MCM3AP: variants seen among roughly 807,000 people sequenced by gnomAD.
The protein encoded by MCM3AP is minichromosome maintenance complex component 3 associated protein.
A neutral mutation model predicts 184.1 loss-of-function variants in MCM3AP; 126 were observed. The observed-to-expected ratio is 0.68, with a 90% confidence interval of 0.59 to 0.79. MCM3AP has a LOEUF of 0.79. Ranked by LOEUF, MCM3AP falls within the 30% of genes least tolerant of loss-of-function variation. The pLI is 0.00. For missense variants in MCM3AP, 2,496 were observed against 2,479.2 expected (o/e 1.01, Z -0.14); for synonymous variants, 1,002 against 979.3 (o/e 1.02, Z -0.43).
intron 16 of MCM3AP, 94 bp downstream of exon 16, chr21:46,258,845 C>A: frequency 7.3e-7 from 1 of 1,377,476 alleles, no homozygotes; most frequent in East Asian, 2.3e-5. Flanking sequence ...CCTTTTACCA[C>A]TGAATACAGA....
rs745337329 is a variant in MCM3AP at position 46,243,527 on chromosome 21, A to G, written c.5234T>C (p.Ile1745Thr). 8.1e-6 allele frequency: 13 copies of G among 1,614,108 alleles called. No individual in the cohort carries two copies. Among genetic ancestry groups the G allele is most frequent in the Admixed American group, 6.7e-5 (4 of 60,012 alleles). Reference sequence around the variant, plus strand: ...CAGCTTGTGGTTGATACACAAGGCGATAAGATCATCCCATGGGATCTCCAT... The same window carrying G: ...CAGCTTGTGGTTGATACACAAGGCGGTAAGATCATCCCATGGGATCTCCAT... ...SVMEIPWDDL[I>T]ALCINHKLRD... is the part of the protein sequence containing the mutation. The change falls in exon 24 of 28, where the codon ATC becomes ACC. Residue 1745 changes from isoleucine to threonine, a missense_variant. Physicochemically the swap from Ile to Thr is moderately conservative, Grantham distance 89. Around this residue, in one of 5 missense-constraint regions of MCM3AP, gnomAD observed 1,323 missense variants for 1,273.4 expected, o/e 1.04. Coordinates refer to ENST00000291688, the MANE Select transcript of MCM3AP (RefSeq NM_003906.5).
Position 46,259,030 on chromosome 21 carries a change from G to T in MCM3AP, c.3643C>A (p.His1215Asn). 1 of 1,614,066 alleles carries T rather than the reference G, an allele frequency of 6.2e-7. No individual in the cohort carries two copies. Among genetic ancestry groups the T allele is most frequent in the Admixed American group, 1.7e-5 (1 of 60,008 alleles). ...VARCCEDVCA[H>N]LVDLFLVEEI... is the part of the protein sequence containing the mutation. ...TCCACGAGAAACAAGTCCACTAAGT[G>T]GGCACAGACATCCTCACAGCAACGG... Residue 1215 changes from histidine (H) to asparagine (N), a missense_variant, in exon 16 of 28, where the codon CAC becomes AAC. Coordinates refer to ENST00000291688, the MANE Select transcript of MCM3AP (RefSeq NM_003906.5).
chr21:46,243,123 A>G (rs1011366603), intron 24 of MCM3AP, 192 bp from the exon 25 acceptor site: 2 of 610,342 alleles, frequency 3.3e-6, no homozygotes, highest in Non-Finnish European at 2.8e-6. Context: ...TGACTTCCAC[A>G]CTTGGGTTAA....
chr21:46,266,387 T>C (rs889064425), intron 10 of MCM3AP: 7 of 431,508 alleles, frequency 1.6e-5, no homozygotes, highest in African/African-American at 1.2e-4. Flanking sequence ...GCTGACTCAC[T>C]CCTGCCTCCT....
intron 9 of MCM3AP, among the ~76,000 whole-genome samples, chr21:46,268,540 C>T (rs551811795): frequency 1.3e-5 from 2 of 152,308 alleles, no homozygotes; most frequent in East Asian, 3.9e-4. Context: ...GGGGGCCCTG[C>T]TGAGGGCGGC....
chr21:46,284,869 C>A lies in MCM3AP; in HGVS notation c.418G>T (p.Gly140Trp). 4.3e-6 allele frequency: 7 copies of A among 1,614,144 alleles called. No homozygotes were observed. Among genetic ancestry groups the A allele is most frequent in the Non-Finnish European group, 5.9e-6 (7 of 1,180,040 alleles). ...GGTTTAAAGCTGAATTCTGTTTTCC[C>A]AAAACCAGAGTTCACTATTTCTCCA... Reference protein sequence around the residue: ...EAGEIVNSGFGKTEFSFKPLE... With the variant: ...EAGEIVNSGFWKTEFSFKPLE... The change falls in exon 1 of 28, where the codon GGG becomes TGG. Residue 140 changes from glycine to tryptophan, a missense_variant. By Grantham distance (184) the Gly-to-Trp change is radical (BLOSUM62 -2). Transcript: ENST00000291688.
chr21:46,235,861 G>A (rs1184805684), intron 27 of MCM3AP, among the ~76,000 whole-genome samples: 1 of 152,058 alleles, frequency 6.6e-6, no homozygotes, highest in Non-Finnish European at 1.5e-5. Flanking sequence ...TCAAGCTCCT[G>A]GACTTAAGCG....
At position 46,235,202 on chromosome 21, in the gene MCM3AP, A is replaced by G. The variant is rs2080496512; in HGVS notation, c.*66T>C. 1 of 1,510,626 alleles carries G rather than the reference A, an allele frequency of 6.6e-7. No individual in the cohort carries two copies. Among genetic ancestry groups the G allele is most frequent in the African/African-American group, 1.4e-5 (1 of 72,288 alleles). The allele number at this position is 1,510,626 out of a possible 1,614,324, so 93.6% of individuals were successfully genotyped here. A position where few individuals can be genotyped will look rare whatever the true frequency, so the allele number is the denominator to read the frequency against. ...CCAACAGTGCATCAAGCATCTGAGAATAACATTATTTTGAGTAAAAACAGA... is the reference window on the plus strand; with the variant it reads ...CCAACAGTGCATCAAGCATCTGAGAGTAACATTATTTTGAGTAAAAACAGA... On this transcript the variant is annotated 3_prime_UTR_variant, in exon 28 of 28. Coordinates refer to ENST00000291688, the MANE Select transcript of MCM3AP (RefSeq NM_003906.5).
In MCM3AP at chr21:46,285,222, A is replaced by G. The variant is rs767376604; in HGVS notation, c.65T>C (p.Val22Ala). The change falls in exon 1 of 28, where the codon GTA becomes GCA. Residue 22 changes from valine to alanine, a missense_variant. Around this residue, in one of 5 missense-constraint regions of MCM3AP, gnomAD observed 800 missense variants for 717.1 expected, o/e 1.12. Coordinates refer to ENST00000291688, the MANE Select transcript of MCM3AP (RefSeq NM_003906.5). ...TGGCGGCTTAGATGGAAGTGTTCCT[A>G]CATTACTAGAAGACGCCGAAAAAGC... is the stretch of plus-strand genomic sequence containing the variant. ...PSAFSASSSN[V>A]GTLPSKPPFR... The G allele has an allele frequency of 2.5e-6, 4 of 1,614,132 alleles. No individual in the cohort carries two copies. In the African/African-American group the frequency reaches 5.3e-5, roughly 22 times the overall value.
chr21:46,245,200 G>A lies in MCM3AP; in HGVS notation c.4648-3C>T, dbSNP rs1601491222. On this transcript the variant is annotated splice_polypyrimidine_tract_variant and splice_region_variant and intron_variant, in intron 22 of 27. Coordinates refer to ENST00000291688, the MANE Select transcript of MCM3AP (RefSeq NM_003906.5). Reference sequence around the variant, plus strand: ...AGCCACTGCACTGCTTGCAAAACCTGAGAAGAAAGAAGAGACTTGGTTGAA... The same window carrying A: ...AGCCACTGCACTGCTTGCAAAACCTAAGAAGAAAGAAGAGACTTGGTTGAA... 5.7e-6 allele frequency: 9 copies of A among 1,575,720 alleles called. No homozygotes were observed. Among genetic ancestry groups the A allele is most frequent in the Middle Eastern group, 1.7e-4 (1 of 5,888 alleles).
chr21:46,266,766 G>A, intron 10 of MCM3AP: 3 of 551,920 alleles, frequency 5.4e-6, no homozygotes, highest in African/African-American at 1.9e-5. Flanking sequence ...TGATTTTGGA[G>A]TCACAAAGAA....
chr21:46,243,938 C>CT (rs1569053289), intron 23 of MCM3AP, among the ~76,000 whole-genome samples: 2 of 152,204 alleles, frequency 1.3e-5, no homozygotes, highest in African/African-American at 4.8e-5. Flanking sequence ...TAGCCAAGTT[C>CT]TACCCAGAAG....
At position 46,263,825 on chromosome 21, in the gene MCM3AP, C is replaced by A. The variant is rs114244316; in HGVS notation, c.3335+292G>T. Among the ~76,000 whole-genome samples, 1,178 of 136,436 alleles carry A rather than the reference C, an allele frequency of 8.6e-3. 14 individuals are homozygous for A. The highest frequency in any genetic ancestry group is 0.031 in the African/African-American group (1,127 of 36,914). 89.5% of individuals were successfully genotyped at this position (136,436 alleles called of 152,430 possible). A position where few individuals can be genotyped will look rare whatever the true frequency, so the allele number is the denominator to read the frequency against. On this transcript the variant is annotated intron_variant, in intron 13 of 27. Transcript: ENST00000291688. ...AAAAAAAAAAAAGATGACAGTACCACCCAGAACAATCTACAGATTCAACGC... is the reference window on the plus strand; with the variant it reads ...AAAAAAAAAAAAGATGACAGTACCAACCAGAACAATCTACAGATTCAACGC...
intron 8 of MCM3AP, 130 bp from the exon 9 acceptor site, chr21:46,270,693 C>T (rs1400860753): frequency 1.6e-5 from 12 of 752,222 alleles, no homozygotes; most frequent in East Asian, 8.3e-5. Flanking sequence ...AATCCCAAAA[C>T]GTGGGGAGGC....
Position 46,243,487 on chromosome 21 carries a change from G to C in MCM3AP, c.5274C>G (p.Pro1758=). The C allele has an allele frequency of 6.2e-7, 1 of 1,612,076 alleles. No homozygotes were observed. Among genetic ancestry groups the C allele is most frequent in the Non-Finnish European group, 8.5e-7 (1 of 1,178,580 alleles). ...TACCTGATGTAACAGGAAGCCGGGG[G>C]GGCGTCCAGTCTCTCAGCTTGTGGT... ...CINHKLRDWT[P]PRLPVTSEAL... is the part of the protein sequence containing the mutation. The change falls in exon 24 of 28, where the codon CCC becomes CCG. Residue 1758 remains proline, a synonymous_variant. Coordinates refer to ENST00000291688, the MANE Select transcript of MCM3AP (RefSeq NM_003906.5).
chr21:46,275,924 C>A (rs536127803), intron 5 of MCM3AP, among the ~76,000 whole-genome samples: 1 of 152,276 alleles, frequency 6.6e-6, no homozygotes, highest in African/African-American at 2.4e-5. Flanking sequence ...ACTTCACACT[C>A]AAAATATATA....
At chr21:46,279,965 T>G (rs1283671743) in intron 4 of MCM3AP, 28 bp downstream of exon 4, 1 of 1,592,320 alleles carries the variant, frequency 6.3e-7, no homozygotes, top group Admixed American at 1.9e-5. Context: ...CCTTCCGGAA[T>G]AAGGTCATTA....
Position 46,259,084 on chromosome 21 carries a change from C to T in MCM3AP, c.3589G>A (p.Val1197Ile), listed in dbSNP as rs576709863. 2.8e-5 allele frequency: 45 copies of T among 1,608,982 alleles called. No homozygotes were observed. The South Asian group carries it at 4.6e-4, about 17-fold the overall frequency. The change falls in exon 16 of 28, where the codon GTA becomes ATA. Residue 1197 changes from valine to isoleucine, a missense_variant. By Grantham distance (29) the Val-to-Ile change is conservative. Coordinates refer to ENST00000291688, the MANE Select transcript of MCM3AP (RefSeq NM_003906.5). Reference protein sequence around the residue: ...ETCSQELKNAVETDQRVRVAR... With the variant: ...ETCSQELKNAIETDQRVRVAR... Reference sequence around the variant, plus strand: ...ACACGGACCCTCTGGTCTGTCTCTACTGCATTCCTAGAAACAGGGCAATCA... The same window carrying T: ...ACACGGACCCTCTGGTCTGTCTCTATTGCATTCCTAGAAACAGGGCAATCA...
At chr21:46,269,458 C>A (rs754228964) in intron 9 of MCM3AP, among the ~76,000 whole-genome samples, 1 of 152,210 alleles carries the variant, frequency 6.6e-6, no homozygotes, top group Non-Finnish European at 1.5e-5. Flanking sequence ...AAAACCTTTT[C>A]ATTTACTCCA....
Sources: allele counts gnomAD v4.1 joint callset (sites outside exome capture counted in the v4.1 genomes callset), GRCh38; gene constraint gnomAD v4.1.1; regional missense constraint gnomAD v4.1.1; transcripts MANE v1.5; gene names NCBI Gene and HGNC (gene_info 2026-07-23, HGNC 2026-07-21).